The following KLF8 variants were observed in gnomAD, a reference collection of about 807,000 sequenced individuals.
KLF8 encodes the protein Krueppel-like factor 8.
KLF8 carries 10 observed loss-of-function variants against 18.2 expected under a neutral mutation model. That is an observed-to-expected ratio of 0.55 (90% CI 0.34 to 0.93). The LOEUF is 0.93. KLF8 is among the 40% of genes least tolerant of loss of function. The pLI is 0.02. For synonymous variants in KLF8, 109 were observed against 97.3 expected (o/e 1.12, Z -0.71); for missense variants, 264 against 277.9 (o/e 0.95, Z 0.36).
chrX:55,922,281 C>T, the KLF8 span, among the ~76,000 whole-genome samples: 2 of 112,625 alleles, frequency 1.8e-5, no homozygotes, highest in South Asian at 7.4e-4. Context: ...TACTATGCAG[C>T]CATAAAAAGG....
chrX:56,213,913 T>C, the KLF8 span, among the ~76,000 whole-genome samples: 108 of 111,096 alleles, frequency 9.7e-4, no homozygotes, highest in African/African-American at 3.5e-3. Context: ...CACAAACGAA[T>C]TGAAGGATAG....
the KLF8 span, among the ~76,000 whole-genome samples, chrX:56,205,183 T>G: frequency 9.0e-6 from 1 of 111,270 alleles, no homozygotes; most frequent in Admixed American, 9.6e-5. Context: ...TAACTTGCCC[T>G]AAGTATAACA....
At position 56,262,210 on chromosome X, in the gene KLF8, A is replaced by C. The variant is rs2066890914; in HGVS notation, c.82-2970A>C. On this transcript the variant is annotated intron_variant, in intron 2 of 5. Transcript: ENST00000468660. ...GCAAACCACAAAATAGGTTTAGTCT[A>C]TGAAAGGACAACTAATGATGGCCTG... Among the ~76,000 whole-genome samples the C allele has an allele frequency of 1.8e-5, 2 of 112,200 alleles. 1 individual carries two copies. Among genetic ancestry groups the C allele is most frequent in the Admixed American group, 1.9e-4 (2 of 10,576 alleles).
At chrX:56,177,007 A>G in the KLF8 span, among the ~76,000 whole-genome samples, 1 of 110,318 alleles carries the variant, frequency 9.1e-6, no homozygotes, top group Non-Finnish European at 1.9e-5. Context: ...CATTCGTCTA[A>G]TTTTTTTTCA....
intron 1 of KLF8, among the ~76,000 whole-genome samples, chrX:56,233,884 T>C (rs193078971): frequency 1.2e-3 from 135 of 111,298 alleles, no homozygotes; most frequent in Non-Finnish European, 6.4e-4. Context: ...GCGTGCCAGC[T>C]CTTTAAGGAG....
At chrX:55,971,330 A>C in the KLF8 span, among the ~76,000 whole-genome samples, 22 of 111,762 alleles carry the variant, frequency 2.0e-4, no homozygotes, top group East Asian at 5.9e-3. Context: ...TCTCTTCAAT[A>C]AATTGTGCTG....
the KLF8 span, among the ~76,000 whole-genome samples, chrX:56,052,554 G>C: frequency 3.6e-5 from 4 of 111,734 alleles, no homozygotes; most frequent in African/African-American, 1.3e-4. Flanking sequence ...GCCCCTGCTG[G>C]GGGGTGCGTC....
At chrX:56,129,878 T>G in the KLF8 span, among the ~76,000 whole-genome samples, 1 of 109,979 alleles carries the variant, frequency 9.1e-6, no homozygotes, top group Non-Finnish European at 1.9e-5. Flanking sequence ...GGGAGCTGGG[T>G]AAGGCCTGTA....
chrX:56,175,168 G>T, the KLF8 span, among the ~76,000 whole-genome samples: 1 of 110,830 alleles, frequency 9.0e-6, no homozygotes, highest in African/African-American at 3.3e-5. Context: ...TGGCTTCTCT[G>T]GTTCTTTTAA....
chrX:56,194,676 G>A, the KLF8 span, among the ~76,000 whole-genome samples: 1 of 112,324 alleles, frequency 8.9e-6, no homozygotes, highest in Non-Finnish European at 1.9e-5. Flanking sequence ...GACTTAAATG[G>A]CCCTGTCTGG....
chrX:56,042,825 A>C, the KLF8 span, among the ~76,000 whole-genome samples: 1 of 111,218 alleles, frequency 9.0e-6, no homozygotes, highest in South Asian at 3.8e-4. Flanking sequence ...TTTACACTTA[A>C]GGTTAGTATT....
chrX:56,186,455 T>C, the KLF8 span, among the ~76,000 whole-genome samples: 1 of 111,242 alleles, frequency 9.0e-6, no homozygotes, highest in Non-Finnish European at 1.9e-5. Flanking sequence ...CTGTCAACGT[T>C]AGACAGATCA....
At chrX:56,110,256 T>C in the KLF8 span, among the ~76,000 whole-genome samples, 1 of 112,020 alleles carries the variant, frequency 8.9e-6, no homozygotes, top group Non-Finnish European at 1.9e-5. Context: ...TTAAAGTGTT[T>C]TTTTTATAAT....
chrX:55,975,021 G>A, the KLF8 span, among the ~76,000 whole-genome samples: 1 of 111,761 alleles, frequency 8.9e-6, no homozygotes, highest in Non-Finnish European at 1.9e-5. Context: ...TATTGTAAAT[G>A]GGATTACATT....
the KLF8 span, among the ~76,000 whole-genome samples, chrX:55,920,743 T>C: frequency 1.1e-3 from 125 of 111,528 alleles, no homozygotes; most frequent in African/African-American, 3.9e-3. Context: ...TTTTAAAAAA[T>C]GAACAAAGCC....
At chrX:55,942,138 C>G in the KLF8 span, among the ~76,000 whole-genome samples, 29 of 111,558 alleles carry the variant, frequency 2.6e-4, no homozygotes, top group Non-Finnish European at 5.5e-4. Flanking sequence ...CAATGATAGA[C>G]TGGATTAAGA....
At chrX:56,073,075 C>T in the KLF8 span, among the ~76,000 whole-genome samples, 43 of 108,908 alleles carry the variant, frequency 3.9e-4, no homozygotes, top group Non-Finnish European at 7.6e-4. Context: ...CAACCTCCGC[C>T]TCCCGGGTTC....
the KLF8 span, among the ~76,000 whole-genome samples, chrX:56,186,328 A>G: frequency 8.9e-6 from 1 of 112,078 alleles, no homozygotes; most frequent in African/African-American, 3.2e-5. Flanking sequence ...ACAGCTAACT[A>G]TCCTAAATAT....
the KLF8 span, among the ~76,000 whole-genome samples, chrX:55,932,360 C>A: frequency 9.4e-3 from 1,043 of 111,009 alleles, 11 homozygotes; most frequent in African/African-American, 0.033. Flanking sequence ...GACATTTAGT[C>A]CATTTACATT....
Sources: gnomAD v4.1 joint callset for allele counts (sites outside exome capture counted in the v4.1 genomes callset) on GRCh38, gnomAD v4.1.1 for gene constraint, MANE v1.5 for transcripts, NCBI Gene and HGNC (gene_info 2026-07-23, HGNC 2026-07-21) for gene names.